COL11A1: variants seen among roughly 807,000 people sequenced by gnomAD.
The protein encoded by COL11A1 is collagen type XI alpha 1 chain.
COL11A1 carries 74 observed loss-of-function variants against 265.2 expected under a neutral mutation model. That is an observed-to-expected ratio of 0.28 (90% confidence interval 0.23 to 0.34). The LOEUF (loss-of-function observed/expected upper bound fraction) is 0.34, where lower values mean the gene tolerates loss of function less well. COL11A1 is among the 10% of genes least tolerant of loss of function. COL11A1 has a pLI of 1.00. For synonymous variants in COL11A1, 816 were observed against 727.6 expected (o/e 1.12, Z -1.96); for missense variants, 2,165 against 2,263.6 (o/e 0.96, Z 0.88).
At chr1:102,926,275 A>G (rs1656589241) in intron 46 of COL11A1, among the ~76,000 whole-genome samples, 1 of 152,064 alleles carries the variant, frequency 6.6e-6, no homozygotes, top group Admixed American at 6.6e-5. Flanking sequence ...GCGTGGAGAG[A>G]TTCTGTTTTA....
At chr1:103,062,756 T>G (rs1670770289) in intron 4 of COL11A1, among the ~76,000 whole-genome samples, 1 of 151,890 alleles carries the variant, frequency 6.6e-6, no homozygotes. Context: ...GTTGATGCAG[T>G]AAGACAAGAA....
chr1:102,967,727 T>G (rs915531519), intron 37 of COL11A1, among the ~76,000 whole-genome samples: 2 of 152,184 alleles, frequency 1.3e-5, no homozygotes, highest in African/African-American at 2.4e-5. Context: ...GGGTTATTCT[T>G]CCTCCAATTT....
chr1:102,927,712 C>A (rs994673292), intron 46 of COL11A1, among the ~76,000 whole-genome samples: 3 of 151,820 alleles, frequency 2.0e-5, no homozygotes. Flanking sequence ...GTTTAAGAGT[C>A]CAATTGTAAG....
rs144235911 is a variant in COL11A1 at position 102,954,849 on chromosome 1, T to TA, written c.3168+7016dup. 8.6e-4 allele frequency among the ~76,000 whole-genome samples: 121 copies of TA among 140,052 alleles called. 1 individual carries two copies. The highest frequency in any genetic ancestry group is 2.4e-3 in the African/African-American group (87 of 36,372). The allele number at this position is 140,052 out of a possible 152,430, so 91.9% of individuals were successfully genotyped here. A position where few individuals can be genotyped will look rare whatever the true frequency, so the allele number is the denominator to read the frequency against. The stretch of plus-strand genomic sequence containing the variant: ...ACAAGAGCGAAACTCCCTCTTGAAA[T>TA]AAAAAAAAAAAAAAAAGAAGTTGAC... On this transcript the variant is annotated intron_variant, in intron 41 of 66. Coordinates refer to ENST00000370096, the MANE Select transcript of COL11A1 (RefSeq NM_001854.4).
At chr1:103,038,485 C>T (rs997986361) in intron 4 of COL11A1, among the ~76,000 whole-genome samples, 2 of 148,778 alleles carry the variant, frequency 1.3e-5, no homozygotes, top group Non-Finnish European at 3.0e-5. Context: ...AGAGAGAGAG[C>T]GAGAGAGAGA....
rs908484920 is a variant in COL11A1 at position 102,898,195 on chromosome 1, T to G, written c.4249-17A>C. On this transcript the variant is annotated splice_polypyrimidine_tract_variant and intron_variant, in intron 56 of 66. Coordinates refer to ENST00000370096, the MANE Select transcript of COL11A1 (RefSeq NM_001854.4). ...TTGTTCTCCCTAGAGAAAATAAAAATGATTGATTTTTAAAATTAATAAAAT... is the reference window on the plus strand; with the variant it reads ...TTGTTCTCCCTAGAGAAAATAAAAAGGATTGATTTTTAAAATTAATAAAAT... The G allele has an allele frequency of 1.2e-5, 15 of 1,264,230 alleles. No individual in the cohort carries two copies. The highest frequency in any genetic ancestry group is 1.5e-5 in the Non-Finnish European group (15 of 983,378). The allele number at this position is 1,264,230 out of a possible 1,614,324, so 78.3% of individuals were successfully genotyped here.
intron 1 of COL11A1, 87 bp downstream of exon 1, chr1:103,107,986 G>A: frequency 3.3e-6 from 3 of 898,322 alleles, no homozygotes; most frequent in South Asian, 1.4e-5. Flanking sequence ...CTTGAAGAGC[G>A]GGGAGGAAGG....
In COL11A1 at chr1:103,069,609, A is replaced by G. The variant is rs148524010; in HGVS notation, c.651+5009T>C. The stretch of plus-strand genomic sequence containing the variant: ...AAAGACACCAATAAGAAAACAAAAA[A>G]AAGGCAAGTCACATACTGGAAAAAA... On this transcript the variant is annotated intron_variant, in intron 4 of 66. Coordinates refer to ENST00000370096, the MANE Select transcript of COL11A1 (RefSeq NM_001854.4). 4.1e-3 allele frequency among the ~76,000 whole-genome samples: 618 copies of G among 152,066 alleles called. 4 individuals carry two copies. The highest frequency in any genetic ancestry group is 7.0e-3 in the Non-Finnish European group (478 of 67,840).
At chr1:102,959,024 A>T (rs1018577955) in intron 41 of COL11A1, among the ~76,000 whole-genome samples, 6 of 152,280 alleles carry the variant, frequency 3.9e-5, no homozygotes, top group African/African-American at 1.4e-4. Flanking sequence ...TGTTTGCTAC[A>T]TCTGCAATGT....
intron 57 of COL11A1, among the ~76,000 whole-genome samples, chr1:102,896,305 A>G (rs765555416): frequency 6.6e-6 from 1 of 151,820 alleles, no homozygotes; most frequent in Non-Finnish European, 1.5e-5. Context: ...TAGAGTCGAT[A>G]ACCTTAACTA....
In COL11A1 at chr1:103,002,751, T is replaced by C. The variant is rs375314757; in HGVS notation, c.2039A>G (p.Asn680Ser). 12 of 1,612,660 alleles carry C rather than the reference T, an allele frequency of 7.4e-6. No homozygotes were observed. In the East Asian group the frequency reaches 1.1e-4, roughly 15 times the overall value. Residue 680 changes from asparagine (N) to serine (S), a missense_variant, in exon 22 of 67, where the codon AAC becomes AGC. Physicochemically the swap from Asn to Ser is conservative, Grantham distance 46. Transcript: ENST00000370096. ...TTATCACTATTTGCTACATACCATG[T>C]TCCCTTTTGGTCCTGGGGGGCCATC... Reference protein sequence around the residue: ...GVDGPPGPKGNMGPQGEPGPP... With the variant: ...GVDGPPGPKGSMGPQGEPGPP...
intron 30 of COL11A1, among the ~76,000 whole-genome samples, chr1:102,985,327 G>T (rs1222431979): frequency 1.3e-5 from 2 of 152,002 alleles, no homozygotes; most frequent in Non-Finnish European, 2.9e-5. Flanking sequence ...TAAGAACATG[G>T]TTTATGACCT....
At chr1:102,989,865 G>A (rs1413585071) in intron 28 of COL11A1, among the ~76,000 whole-genome samples, 1 of 151,994 alleles carries the variant, frequency 6.6e-6, no homozygotes, top group Non-Finnish European at 1.5e-5. Flanking sequence ...ATAACAACAT[G>A]TATTCTATAC....
intron 4 of COL11A1, among the ~76,000 whole-genome samples, chr1:103,058,828 C>T (rs77365395): frequency 0.012 from 1,757 of 152,202 alleles, 41 homozygotes; most frequent in African/African-American, 0.04. Flanking sequence ...TTTCATGTCT[C>T]TGTAACTTAT....
At chr1:103,031,090 A>T (rs1557971611) in intron 5 of COL11A1, 26 bp downstream of exon 5, 1 of 1,612,798 alleles carries the variant, frequency 6.2e-7, no homozygotes, top group East Asian at 2.2e-5. Flanking sequence ...AAATACGAAG[A>T]CCTTCTCTGG....
intron 54 of COL11A1, among the ~76,000 whole-genome samples, chr1:102,908,215 C>A (rs1460672489): frequency 6.6e-6 from 1 of 151,952 alleles, no homozygotes; most frequent in African/African-American, 2.4e-5. Context: ...ATGCCTTTGG[C>A]ATATTTTTTT....
intron 57 of COL11A1, among the ~76,000 whole-genome samples, chr1:102,891,729 C>T (rs1056655516): frequency 7.0e-6 from 1 of 142,962 alleles, no homozygotes. Flanking sequence ...AAAAAAAAAG[C>T]AAAAACTAGA....
intron 38 of COL11A1, among the ~76,000 whole-genome samples, chr1:102,964,224 T>C (rs1027925147): frequency 6.6e-6 from 1 of 152,184 alleles, no homozygotes; most frequent in African/African-American, 2.4e-5. Flanking sequence ...TAGTTAAGAG[T>C]CTAATTCCAT....
At chr1:103,044,615 A>T (rs1300466148) in intron 4 of COL11A1, among the ~76,000 whole-genome samples, 1 of 152,172 alleles carries the variant, frequency 6.6e-6, no homozygotes, top group Non-Finnish European at 1.5e-5. Flanking sequence ...AATAAATTTA[A>T]TTAATTAAAA....
Sources: allele counts gnomAD v4.1 joint callset (sites outside exome capture counted in the v4.1 genomes callset), GRCh38; gene constraint gnomAD v4.1.1; transcripts MANE v1.5; gene names NCBI Gene and HGNC (gene_info 2026-07-23, HGNC 2026-07-21).